Variants in TTN observed in about 807,000 individuals in gnomAD.
The protein encoded by TTN is connectin.
A neutral mutation model predicts 3,223.0 loss-of-function variants in TTN; 1,525 were observed. That is an observed-to-expected ratio of 0.47 (90% CI 0.45 to 0.49). The LOEUF is 0.49. Among genes scored for constraint, TTN ranks in the 20% least tolerant of loss-of-function variants. The pLI is 0.00. For synonymous variants in TTN, 14,094 were observed against 15,161.0 expected (o/e 0.93, Z 5.17); for missense variants, 40,786 against 43,424.0 (o/e 0.94, Z 5.40).
At chr2:178,536,860 AT>A in intron 356 of TTN, 77 bp downstream of exon 356, 1 of 1,333,198 alleles carries the variant, frequency 7.5e-7, no homozygotes, top group Non-Finnish European at 1.0e-6. Context: ...TCCTTTCAAA[AT>A]TTCTTTCTGT....
Position 178,718,073 on chromosome 2 carries a change from T to G in TTN, c.24933A>C (p.Lys8311Asn), listed in dbSNP as rs749075617. The G allele has an allele frequency of 6.2e-7, 1 of 1,613,704 alleles. No individual in the cohort carries two copies. Among genetic ancestry groups the G allele is most frequent in the Admixed American group, 1.7e-5 (1 of 60,014 alleles). ...AAGCAACGTTATTTTTGAATTGCAT[T>G]TTATATGCAGGAGCTGATCGTAGCT... ...HTKLRSAPAY[K>N]MQFKNNVASL... Residue 8311 changes from lysine to asparagine, a missense_variant, in exon 86 of 363, where the codon AAA (lysine) becomes AAC (asparagine). Transcript: ENST00000589042.
chr2:178,638,550 A>G (rs1178886420), intron 223 of TTN, among the ~76,000 whole-genome samples: 1 of 150,854 alleles, frequency 6.6e-6, no homozygotes, highest in Non-Finnish European at 1.5e-5. Flanking sequence ...TGTAACAAAT[A>G]GTTCTCTTTT....
chr2:178,751,081 T>C (rs1039782578), intron 47 of TTN: 2 of 1,612,896 alleles, frequency 1.2e-6, no homozygotes, highest in Non-Finnish European at 1.7e-6. Context: ...AAAGGGCATG[T>C]GGATTTTGCA....
chr2:178,533,116 T>G lies in TTN; in HGVS notation c.103499A>C (p.Lys34500Thr), dbSNP rs1689920197. 6.2e-7 allele frequency: 1 copy of G among 1,613,998 alleles called. No homozygotes were observed. Among genetic ancestry groups the G allele is most frequent in the Admixed American group, 1.7e-5 (1 of 60,018 alleles). ...TESVPLTQVA[K>T]EALREAAVLY... ...GACAGCAGCTTCTCTCAGAGCCTCT[T>G]TAGCTACCTGTGTCAGTGGTACACT... The change falls in exon 358 of 363, where the codon AAA becomes ACA. Residue 34500 changes from lysine (K) to threonine (T), a missense_variant. Transcript: ENST00000589042.
In TTN at chr2:178,730,691, T is replaced by C. The variant is rs780320662; in HGVS notation, c.17842A>G (p.Ile5948Val). Residue 5948 changes from isoleucine to valine, a missense_variant, in exon 61 of 363, where the codon ATA (isoleucine) becomes GTA (valine). Coordinates refer to ENST00000589042, the MANE Select transcript of TTN (RefSeq NM_001267550.2). ...TCATCTTTGAACCACTGGATGCTTA[T>C]GGGATGTGACCCAGCCACTATACAT... Reference protein sequence around the residue: ...LECIVAGSHPISIQWFKDDQE... With the variant: ...LECIVAGSHPVSIQWFKDDQE... 11 of 1,613,548 alleles carry C rather than the reference T, an allele frequency of 6.8e-6. No individual in the cohort carries two copies. The highest frequency in any genetic ancestry group is 1.3e-5 in the African/African-American group (1 of 74,914).
At position 178,601,474 on chromosome 2, in the gene TTN, C is replaced by T; in HGVS notation, c.55523G>A (p.Gly18508Glu). Residue 18508 changes from glycine to glutamate, a missense_variant, in exon 287 of 363, where the codon GGA becomes GAA. Gly to Glu is a moderately conservative substitution (Grantham distance 98, BLOSUM62 -2). Coordinates refer to ENST00000589042, the MANE Select transcript of TTN (RefSeq NM_001267550.2). ...LSWKMPDDDG[G>E]DRIKGYVIEK... ...AATAACATAGCCTTTGATCCTGTCT[C>T]CTCCATCGTCGTCTGGCATCTTCCA... The T allele has an allele frequency of 1.2e-6, 2 of 1,613,026 alleles. No homozygotes were observed. Among genetic ancestry groups the T allele is most frequent in the Non-Finnish European group, 1.7e-6 (2 of 1,179,320 alleles).
chr2:178,775,734 C>T lies in TTN; in HGVS notation c.6130G>A (p.Glu2044Lys). 1 of 1,614,092 alleles carries T rather than the reference C, an allele frequency of 6.2e-7. No homozygotes were observed. The stretch of plus-strand genomic sequence containing the variant: ...GCTTTCTTTTCCTCTTCAGTTAACT[C>T]TTTGGTCCAGTGGAGAAGTTCATCT... The part of the protein sequence containing the change: ...TKDELLHWTK[E>K]LTEEEKKALA... Residue 2044 changes from glutamate to lysine, a missense_variant, in exon 28 of 363, where the codon GAG becomes AAG. Physicochemically the swap from Glu to Lys is moderately conservative, Grantham distance 56. Coordinates refer to ENST00000589042, the MANE Select transcript of TTN (RefSeq NM_001267550.2).
chr2:178,788,779 C>T (rs573174198), intron 13 of TTN, among the ~76,000 whole-genome samples: 1 of 152,040 alleles, frequency 6.6e-6, no homozygotes, highest in Non-Finnish European at 1.5e-5. Flanking sequence ...TGGATACTTC[C>T]TTCTCTAGAT....
In TTN at chr2:178,773,253, C is replaced by T. The variant is rs149660690; in HGVS notation, c.7711G>A (p.Glu2571Lys). Residue 2571 changes from glutamate (E) to lysine (K), a missense_variant, in exon 33 of 363, where the codon GAA becomes AAA. Coordinates refer to ENST00000589042, the MANE Select transcript of TTN (RefSeq NM_001267550.2). ...IDVLWNFKDK[E>K]IKPSSKYKIE... ...TTATATTTAGAACTGGGCTTGATTT[C>T]CTTGTCCTTAAAATTCCACAGGACA... 54 of 1,613,830 alleles carry T rather than the reference C, an allele frequency of 3.3e-5. No homozygotes were observed. The African/African-American group carries it at 5.3e-4, about 16-fold the overall frequency.
intron 263 of TTN, 184 bp from the exon 264 acceptor site, chr2:178,613,460 A>G: frequency 1.6e-6 from 1 of 637,596 alleles, no homozygotes; most frequent in Non-Finnish European, 2.6e-6. Flanking sequence ...AGACTGGGCC[A>G]AACATACCAA....
chr2:178,632,473 A>T, intron 235 of TTN, 53 bp downstream of exon 235: 1 of 1,590,186 alleles, frequency 6.3e-7, no homozygotes, highest in Non-Finnish European at 8.5e-7. Context: ...GAAATATAAA[A>T]CTAAAGGCAA....
At position 178,727,790 on chromosome 2, in the gene TTN, T is replaced by C. The variant is rs2079617659; in HGVS notation, c.19788A>G (p.Ile6596Met). 1 of 1,613,112 alleles carries C rather than the reference T, an allele frequency of 6.2e-7. No homozygotes were observed. Among genetic ancestry groups the C allele is most frequent in the South Asian group, 1.1e-5 (1 of 90,938 alleles). Residue 6596 changes from isoleucine to methionine, a missense_variant, in exon 68 of 363, where the codon ATA becomes ATG. Ile to Met is a conservative substitution (Grantham distance 10). Coordinates refer to ENST00000589042, the MANE Select transcript of TTN (RefSeq NM_001267550.2). ...TTTTAAATGGTGGTGTTCCTTTTAG[T>C]ATTGCCTTAAATTCCACTGTAGAAT... ...IPDSTVEFKAILKGTPPFKIK... is the reference protein window; with the variant it reads ...IPDSTVEFKAMLKGTPPFKIK...
intron 142 of TTN, among the ~76,000 whole-genome samples, chr2:178,679,137 C>T (rs890052998): frequency 6.6e-6 from 1 of 151,900 alleles, no homozygotes; most frequent in Non-Finnish European, 1.5e-5. Context: ...GAGGAGGAGC[C>T]AACCATTGAG....
At position 178,570,990 on chromosome 2, in the gene TTN, A is replaced by G. The variant is rs1034492140; in HGVS notation, c.75142T>C (p.Leu25048=). The part of the protein sequence containing the change: ...ITGYIVEKKE[L]PEGRWMKASF... Reference sequence around the variant, plus strand: ...GCTTTCATCCAACGGCCCTCAGGTAATTCTTTCTTCTCAACAATATAACCA... The same window carrying G: ...GCTTTCATCCAACGGCCCTCAGGTAGTTCTTTCTTCTCAACAATATAACCA... The change falls in exon 326 of 363, where the codon TTA becomes CTA. Residue 25048 remains leucine (L), a synonymous_variant. Coordinates refer to ENST00000589042, the MANE Select transcript of TTN (RefSeq NM_001267550.2). 9.9e-6 allele frequency: 16 copies of G among 1,613,186 alleles called. No homozygotes were observed. Among genetic ancestry groups the G allele is most frequent in the African/African-American group, 1.3e-5 (1 of 74,816 alleles).
chr2:178,774,362 T>G lies in TTN; in HGVS notation c.6902A>C (p.His2301Pro). 1 of 1,614,126 alleles carries G rather than the reference T, an allele frequency of 6.2e-7. No homozygotes were observed. Among genetic ancestry groups the G allele is most frequent in the Non-Finnish European group, 8.5e-7 (1 of 1,179,970 alleles). ...SPENIEGKWY[H>P]NDVELKSNGK... ...ATTGGATTTAAGCTCCACATCATTA[T>G]GATACCATTTTCCTTCTATATTTTC... is the stretch of plus-strand genomic sequence containing the variant. Residue 2301 changes from histidine (H) to proline (P), a missense_variant, in exon 30 of 363, where the codon CAT (histidine) becomes CCT (proline). Coordinates refer to ENST00000589042, the MANE Select transcript of TTN (RefSeq NM_001267550.2).
chr2:178,691,042 T>C (rs1481474370), intron 121 of TTN, among the ~76,000 whole-genome samples: 2 of 152,182 alleles, frequency 1.3e-5, no homozygotes, highest in African/African-American at 2.4e-5. Context: ...AGTATTAGTA[T>C]TGGTTTTACT....
chr2:178,551,621 A>G lies in TTN; in HGVS notation c.91270+9T>C. The G allele has an allele frequency of 3.2e-6, 5 of 1,547,832 alleles. No individual in the cohort carries two copies. Among genetic ancestry groups the G allele is most frequent in the Non-Finnish European group, 4.3e-6 (5 of 1,149,698 alleles). Reference sequence around the variant, plus strand: ...CTAAACTAAATGTATTTGAATAATAATCACTTACCTACTGGAGAAACAGCT... The same window carrying G: ...CTAAACTAAATGTATTTGAATAATAGTCACTTACCTACTGGAGAAACAGCT... On this transcript the variant is annotated intron_variant, in intron 335 of 362. Coordinates refer to ENST00000589042, the MANE Select transcript of TTN (RefSeq NM_001267550.2).
rs2047107763 is a variant in TTN at position 178,579,117 on chromosome 2, A to T, written c.67913T>A (p.Ile22638Lys). The T allele has an allele frequency of 6.2e-7, 1 of 1,613,388 alleles. No homozygotes were observed. ...VAGTKEGTIS[I>K]KVVGKPGIPT... ...GATGCCAGGCTTGCCAACAACCTTT[A>T]TGGAGATAGTTCCTTCCTTGGTGCC... The change falls in exon 320 of 363, where the codon ATA becomes AAA. Residue 22638 changes from isoleucine (I) to lysine (K), a missense_variant. By Grantham distance (102) the Ile-to-Lys change is moderately radical. Transcript: ENST00000589042.
intron 149 of TTN, 102 bp from the exon 150 acceptor site, chr2:178,675,215 G>A: frequency 1.5e-6 from 1 of 655,988 alleles, no homozygotes; most frequent in Non-Finnish European, 2.5e-6. Context: ...ATATCACAAG[G>A]CACATACACA....
Sources: gnomAD v4.1 joint callset for allele counts (sites outside exome capture counted in the v4.1 genomes callset) on GRCh38, gnomAD v4.1.1 for gene constraint, MANE v1.5 for transcripts, NCBI Gene and HGNC (gene_info 2026-07-23, HGNC 2026-07-21) for gene names.